ACE: variants seen among roughly 807,000 people sequenced by gnomAD.
The protein encoded by ACE is angiotensin-converting enzyme.
In ACE, 122 loss-of-function variants were observed where a neutral mutation model predicts 162.3. The ratio of observed to expected loss-of-function variants is 0.75; its 90% CI spans 0.65 to 0.87. The LOEUF (loss-of-function observed/expected upper bound fraction) is 0.87. Among genes scored for constraint, ACE ranks in the 40% least tolerant of loss-of-function variants. The pLI is 0.00. For missense variants in ACE, 1,799 were observed against 1,735.1 expected, an observed-to-expected ratio of 1.04 and a Z score of -0.65; for synonymous variants, 796 against 720.6, an observed-to-expected ratio of 1.10 and a Z score of -1.68.
In ACE at chr17:63,484,524, A is replaced by G. The variant is rs774004648; in HGVS notation, c.1904A>G (p.Asn635Ser). 13 of 1,611,680 alleles carry G rather than the reference A, an allele frequency of 8.1e-6. No homozygotes were observed. The East Asian group carries it at 1.3e-4, about 17-fold the overall frequency. ...EYQWHPPLPD[N>S]YPEGIDLVTD... ...CAGTGGCACCCGCCGTTGCCTGACA[A>G]CTACCCGGAGGGCATAGGTAAAGCC... Residue 635 changes from asparagine (N) to serine (S), a missense_variant, in exon 12 of 25, where the codon AAC (asparagine) becomes AGC (serine). Transcript: ENST00000290866. The surrounding 1 kb of genome is among the most constrained non-coding windows in gnomAD (Gnocchi z 4.0).
intron 10 of ACE, 33 bp downstream of exon 10, chr17:63,483,591 A>T (rs1222471879): frequency 2.9e-6 from 3 of 1,036,822 alleles, no homozygotes; most frequent in African/African-American, 4.5e-5. Context: ...CACCCCCAGT[A>T]CTGTCACACC....
At chr17:63,480,687 G>A (rs1474021992) in intron 5 of ACE, among the ~76,000 whole-genome samples, 159 bp downstream of exon 5, 1 of 152,202 alleles carries the variant, frequency 6.6e-6, no homozygotes, top group Non-Finnish European at 1.5e-5. Context: ...GACCATTCGT[G>A]TTCCCACTTT....
At chr17:63,495,345 C>G (rs887822344) in intron 22 of ACE, among the ~76,000 whole-genome samples, 1 of 152,178 alleles carries the variant, frequency 6.6e-6, no homozygotes, top group Non-Finnish European at 1.5e-5. Context: ...CAGGTGCCCC[C>G]GGGCTACAGG....
rs749170321 is a variant in ACE, at chr17:63,480,405, C to G, written c.724C>G (p.His242Asp). 6.2e-7 allele frequency: 1 copy of G among 1,614,184 alleles called. No homozygotes were observed. The highest frequency in any genetic ancestry group is 8.5e-7 in the Non-Finnish European group (1 of 1,180,044). Residue 242 changes from histidine to aspartate, a missense_variant, in exon 5 of 25, where the codon CAC (histidine) becomes GAC (aspartate). Transcript: ENST00000290866. ...CCCCACCTTCGAGGACGATCTGGAA[C>G]ACCTCTACCAACAGCTAGAGCCCCT... is the stretch of plus-strand genomic sequence containing the variant. ...NSPTFEDDLEHLYQQLEPLYL... is the reference protein window; with the variant it reads ...NSPTFEDDLEDLYQQLEPLYL...
chr17:63,485,452 C>T (rs766201324), intron 13 of ACE, 80 bp downstream of exon 13: 2 of 1,576,160 alleles, frequency 1.3e-6, no homozygotes, highest in Admixed American at 3.4e-5. Context: ...CACAGTGGGG[C>T]TGCCACCACA....
chr17:63,483,238 C>A (rs890227322), intron 9 of ACE, 65 bp downstream of exon 9: 3 of 1,610,692 alleles, frequency 1.9e-6, no homozygotes, highest in South Asian at 2.2e-5. Flanking sequence ...GACAGCCAGG[C>A]GCCTCCTGCC....
At chr17:63,496,583 G>C in intron 23 of ACE, 67 bp downstream of exon 23, 1 of 1,611,610 alleles carries the variant, frequency 6.2e-7, no homozygotes, top group Non-Finnish European at 8.5e-7. Context: ...TGAGGGGTCT[G>C]TCCACTGGAG....
chr17:63,497,218 G>T lies in ACE; in HGVS notation c.3773G>T (p.Gly1258Val). Residue 1258 changes from glycine (G) to valine (V), a missense_variant, in exon 25 of 25, where the codon GGC becomes GTC. Coordinates refer to ENST00000290866, the MANE Select transcript of ACE (RefSeq NM_000789.4). Reference protein sequence around the residue: ...LDLDAQQARVGQWLLLFLGIA... With the variant: ...LDLDAQQARVVQWLLLFLGIA... ...CTGGATGCGCAGCAGGCCCGCGTGG[G>T]CCAGTGGCTGCTGCTCTTCCTGGGC... The T allele has an allele frequency of 1.9e-6, 3 of 1,595,374 alleles. No individual in the cohort carries two copies. The highest frequency in any genetic ancestry group is 2.6e-6 in the Non-Finnish European group (3 of 1,175,424).
rs777748804 is a variant in ACE, at chr17:63,480,320, C to T, written c.656-17C>T. The T allele has an allele frequency of 6.8e-6, 11 of 1,613,162 alleles. No homozygotes were observed. Among genetic ancestry groups the T allele is most frequent in the South Asian group, 2.2e-5 (2 of 91,084 alleles). On this transcript the variant is annotated splice_polypyrimidine_tract_variant and intron_variant, in intron 4 of 24. Coordinates refer to ENST00000290866, the MANE Select transcript of ACE (RefSeq NM_000789.4). ...AGCCTTTGGCCTGAGCTACATACCTCACCCCCACGCCCCCAGGCTTCACAG... is the reference window on the plus strand; with the variant it reads ...AGCCTTTGGCCTGAGCTACATACCTTACCCCCACGCCCCCAGGCTTCACAG...
At position 63,477,126 on chromosome 17, in the gene ACE, G is replaced by GGCTGCT. The variant is rs900084108; in HGVS notation, c.38_43dup (p.Leu13_Leu14dup). 10 of 1,402,100 alleles carry GGCTGCT rather than the reference G, an allele frequency of 7.1e-6. No individual in the cohort carries two copies. The highest frequency in any genetic ancestry group is 8.3e-6 in the Non-Finnish European group (9 of 1,079,008). The allele number at this position is 1,402,100 out of a possible 1,614,324, so 86.9% of individuals were successfully genotyped here. A position where few individuals can be genotyped will look rare whatever the true frequency, so the allele number is the denominator to read the frequency against. ...GCCGCCTCGGGCCGCCGGGGGCCGG[G>GGCTGCT]GCTGCTGCTGCCGCTGCCGCTGCTG... On this transcript the variant is annotated inframe_insertion, in exon 1 of 25. Coordinates refer to ENST00000290866, the MANE Select transcript of ACE (RefSeq NM_000789.4).
At chr17:63,494,223 C>A (rs995746034) in intron 21 of ACE, 149 bp from the exon 22 acceptor site, 2 of 1,257,004 alleles carry the variant, frequency 1.6e-6, no homozygotes, top group Non-Finnish European at 2.3e-6. Context: ...ATGGGGAAAA[C>A]GGGGTGATTG....
chr17:63,477,220 C>T lies in ACE; in HGVS notation c.126C>T (p.Asp42=). The change falls in exon 1 of 25, where the codon GAC becomes GAT. Residue 42 remains aspartate, a synonymous_variant. Transcript: ENST00000290866. ...TGCAGCCCGGCAACTTTTCTGCTGA[C>T]GAGGCCGGGGCGCAGCTCTTCGCGC... ...PGLQPGNFSA[D]EAGAQLFAQS... 2.7e-6 allele frequency: 4 copies of T among 1,496,960 alleles called. No individual in the cohort carries two copies. Among genetic ancestry groups the T allele is most frequent in the Non-Finnish European group, 3.5e-6 (4 of 1,126,886 alleles). The allele number at this position is 1,496,960 out of a possible 1,614,324, so 92.7% of individuals were successfully genotyped here.
At position 63,488,639 on chromosome 17, in the gene ACE, C is replaced by T. The variant is rs1299931399; in HGVS notation, c.2306-9C>T. ...GGGCTGGAGCTCAAGGCATTCAAAC[C>T]CCTACCAGATCTGACGAATGTGATG... is the stretch of plus-strand genomic sequence containing the variant. On this transcript the variant is annotated splice_polypyrimidine_tract_variant and intron_variant, in intron 15 of 24. Coordinates refer to ENST00000290866, the MANE Select transcript of ACE (RefSeq NM_000789.4). 3.1e-6 allele frequency: 5 copies of T among 1,612,916 alleles called. No individual in the cohort carries two copies. In the South Asian group the frequency reaches 5.5e-5, roughly 18 times the overall value.
intron 15 of ACE, 63 bp downstream of exon 15, chr17:63,487,136 T>G: frequency 6.9e-7 from 1 of 1,444,286 alleles, no homozygotes; most frequent in Non-Finnish European, 9.7e-7. Context: ...GGCCCGGGGG[T>G]GCTGGGTGAG....
chr17:63,490,846 A>T, intron 17 of ACE, 108 bp from the exon 18 acceptor site: 1 of 1,046,234 alleles, frequency 9.6e-7, no homozygotes, highest in Non-Finnish European at 1.5e-6. Context: ...AAGAAATGCC[A>T]CTATGATTAG....
At chr17:63,488,366 A>AGG in intron 15 of ACE, among the ~76,000 whole-genome samples, 1 of 131,680 alleles carries the variant, frequency 7.6e-6, no homozygotes, top group East Asian at 2.4e-4. Flanking sequence ...CTCAGAAAAA[A>AGG]AAAAAAAAAA....
intron 22 of ACE, among the ~76,000 whole-genome samples, chr17:63,495,582 G>A (rs765751859): frequency 1.3e-5 from 2 of 152,200 alleles, no homozygotes; most frequent in Non-Finnish European, 2.9e-5. Flanking sequence ...TGACCTAGAC[G>A]GTGCTCCAGA....
At position 63,482,576 on chromosome 17, in the gene ACE, G is replaced by T; in HGVS notation, c.1229G>T (p.Arg410Leu). The change falls in exon 8 of 25, where the codon CGG becomes CTG. Residue 410 changes from arginine (R) to leucine (L), a missense_variant. By Grantham distance (102) the Arg-to-Leu change is moderately radical. Transcript: ENST00000290866. Reference protein sequence around the residue: ...QYKDLPVSLRRGANPGFHEAI... With the variant: ...QYKDLPVSLRLGANPGFHEAI... Reference sequence around the variant, plus strand: ...AAGGATCTGCCCGTCTCCCTGCGTCGGGGGGCCAACCCCGGCTTCCATGAG... The same window carrying T: ...AAGGATCTGCCCGTCTCCCTGCGTCTGGGGGCCAACCCCGGCTTCCATGAG... 1 of 1,611,298 alleles carries T rather than the reference G, an allele frequency of 6.2e-7. No individual in the cohort carries two copies. Among genetic ancestry groups the T allele is most frequent in the Non-Finnish European group, 8.5e-7 (1 of 1,177,776 alleles).
At chr17:63,481,774 C>T (rs759958916) in intron 7 of ACE, 36 bp downstream of exon 7, 55 of 1,613,258 alleles carry the variant, frequency 3.4e-5, no homozygotes, top group Middle Eastern at 1.6e-4. Flanking sequence ...TGGGGTTCCC[C>T]GGTTCTGGGG....
Sources: allele counts gnomAD v4.1 joint callset (sites outside exome capture counted in the v4.1 genomes callset), GRCh38; gene constraint gnomAD v4.1.1; non-coding constraint Gnocchi (gnomAD v3.1); transcripts MANE v1.5; gene names NCBI Gene and HGNC (gene_info 2026-07-23, HGNC 2026-07-21).